The following EPSTI1 variants were observed in gnomAD, a reference collection of about 807,000 sequenced individuals.
The protein encoded by EPSTI1 is epithelial-stromal interaction protein 1.
In EPSTI1, 66 loss-of-function variants were observed where a neutral mutation model predicts 49.9. The observed-to-expected ratio is 1.32, with a 90% CI of 1.08 to 1.62. The LOEUF is 1.62. EPSTI1 is among the 40% of genes most tolerant of loss of function. The pLI is 0.00. For synonymous variants in EPSTI1, 137 were observed against 130.7 expected (o/e 1.05, Z -0.33); for missense variants, 394 against 365.5 (o/e 1.08, Z -0.64).
intron 6 of EPSTI1, among the ~76,000 whole-genome samples, chr13:42,948,012 G>A (rs1281818510): frequency 6.6e-6 from 1 of 152,238 alleles, no homozygotes; most frequent in African/African-American, 2.4e-5. Flanking sequence ...CAGAGGTGGC[G>A]GAGTTGGGTC....
At chr13:42,960,092 G>GTGTT in intron 5 of EPSTI1, among the ~76,000 whole-genome samples, 1 of 151,942 alleles carries the variant, frequency 6.6e-6, no homozygotes, top group Admixed American at 6.5e-5. Flanking sequence ...ATTGTGTTGT[G>GTGTT]GGGGGAGGGG....
chr13:42,992,094 G>T lies in EPSTI1; in HGVS notation c.72C>A (p.Pro24=), dbSNP rs1275531677. Residue 24 remains proline, a synonymous_variant, in exon 1 of 11, where the codon CCC becomes CCA. Coordinates refer to ENST00000313624, the MANE Select transcript of EPSTI1 (RefSeq NM_033255.5). ...ASPASRPTRD[P]QDPSGRQGEL... is the part of the protein sequence containing the mutation. Reference sequence around the variant, plus strand: ...CCCCTTGCCGCCCAGAAGGGTCCTGGGGATCCCGGGTCGGGCGGGAGGCAG... The same window carrying T: ...CCCCTTGCCGCCCAGAAGGGTCCTGTGGATCCCGGGTCGGGCGGGAGGCAG... The T allele has an allele frequency of 6.2e-7, 1 of 1,612,534 alleles. No homozygotes were observed. Among genetic ancestry groups the T allele is most frequent in the Admixed American group, 1.7e-5 (1 of 59,876 alleles).
intron 6 of EPSTI1, among the ~76,000 whole-genome samples, chr13:42,939,004 T>C (rs891179246): frequency 1.3e-5 from 2 of 151,120 alleles, no homozygotes; most frequent in African/African-American, 4.9e-5. Flanking sequence ...AGTTTCTACA[T>C]CAGCACTTTC....
intron 1 of EPSTI1, among the ~76,000 whole-genome samples, chr13:42,979,721 T>C (rs1414396553): frequency 6.6e-6 from 1 of 152,220 alleles, no homozygotes; most frequent in Non-Finnish European, 1.5e-5. Flanking sequence ...GCTTTTTCTC[T>C]TTTAACCATA....
intron 9 of EPSTI1, among the ~76,000 whole-genome samples, chr13:42,895,665 T>C (rs2037169876): frequency 6.6e-6 from 1 of 152,232 alleles, no homozygotes; most frequent in Admixed American, 6.5e-5. Context: ...AATTAATCAC[T>C]ATAAATATCT....
intron 2 of EPSTI1, 158 bp downstream of exon 2, chr13:42,970,454 A>G (rs1247193349): frequency 3.8e-6 from 2 of 529,042 alleles, no homozygotes; most frequent in Admixed American, 4.0e-5. Context: ...TAATAGTAGA[A>G]TATTTTTAAA....
chr13:42,964,379 G>C (rs982011298), intron 3 of EPSTI1, among the ~76,000 whole-genome samples: 3 of 151,838 alleles, frequency 2.0e-5, no homozygotes, highest in African/African-American at 7.3e-5. Flanking sequence ...CTTTTACTAA[G>C]GTTTTTCAAT....
rs71970864 is a variant in EPSTI1, at chr13:42,968,921, T to TACACACACACACAC, written c.331+159_331+172dup. The stretch of plus-strand genomic sequence containing the variant: ...GCAGAAAATCAGAAAAAAAAAAAAA[T>TACACACACACACAC]ACACACACACACACACACACACACA... On this transcript the variant is annotated intron_variant, in intron 3 of 10. Transcript: ENST00000313624. Among the ~76,000 whole-genome samples, 358 of 117,620 alleles carry TACACACACACACAC rather than the reference T, an allele frequency of 3.0e-3. 2 individuals are homozygous for TACACACACACACAC. Among genetic ancestry groups the TACACACACACACAC allele is most frequent in the African/African-American group, 0.011 (319 of 28,592 alleles). The allele number at this position is 117,620 out of a possible 152,430, so 77.2% of individuals were successfully genotyped here. A position where few individuals can be genotyped will look rare whatever the true frequency, so the allele number is the denominator to read the frequency against.
chr13:42,895,193 T>C, intron 9 of EPSTI1, 85 bp from the exon 10 acceptor site: 1 of 1,027,168 alleles, frequency 9.7e-7, no homozygotes. Context: ...TTGTATGAAC[T>C]GACCATGGGG....
chr13:42,906,777 C>A (rs1200791899), intron 8 of EPSTI1, among the ~76,000 whole-genome samples: 1 of 152,180 alleles, frequency 6.6e-6, no homozygotes, highest in Non-Finnish European at 1.5e-5. Context: ...GAAATAAATA[C>A]TAATGGGTGA....
At chr13:42,983,668 A>G (rs747297301) in intron 1 of EPSTI1, among the ~76,000 whole-genome samples, 1 of 151,688 alleles carries the variant, frequency 6.6e-6, no homozygotes, top group Non-Finnish European at 1.5e-5. Context: ...AAGATCCAAA[A>G]TTTGGTAGAT....
intron 5 of EPSTI1, 73 bp from the exon 6 acceptor site, chr13:42,954,094 A>G: frequency 7.4e-7 from 1 of 1,342,312 alleles, no homozygotes; most frequent in Non-Finnish European, 1.0e-6. Flanking sequence ...AAGTTACCCA[A>G]GGTCCAAAAT....
At chr13:42,964,464 T>C (rs1291575556) in intron 3 of EPSTI1, among the ~76,000 whole-genome samples, 2 of 152,302 alleles carry the variant, frequency 1.3e-5, no homozygotes, top group African/African-American at 4.8e-5. Flanking sequence ...AAATAGTGCC[T>C]GTCTTGGAAA....
rs111544982 is a variant in EPSTI1 at position 42,909,096 on chromosome 13, A to AAATT, written c.741+8444_741+8445insAATT. 3.1e-3 allele frequency among the ~76,000 whole-genome samples: 465 copies of AAATT among 150,254 alleles called. 7 individuals carry two copies. The highest frequency in any genetic ancestry group is 0.011 in the African/African-American group (456 of 40,836). On this transcript the variant is annotated intron_variant, in intron 8 of 10. Transcript: ENST00000313624. ...CAACAAGAGCGAAACTCCATCTCAA[A>AAATT]AATAATAACAATTTAAAAAATAGGC... is the stretch of plus-strand genomic sequence containing the variant.
chr13:42,938,683 G>A (rs1374332095), intron 6 of EPSTI1, among the ~76,000 whole-genome samples: 18 of 151,972 alleles, frequency 1.2e-4, no homozygotes, highest in African/African-American at 3.1e-4. Flanking sequence ...GGAGGCTGAG[G>A]TGGGCGGATC....
chr13:42,941,245 T>C (rs1046423252), intron 6 of EPSTI1, among the ~76,000 whole-genome samples: 1 of 152,226 alleles, frequency 6.6e-6, no homozygotes, highest in Non-Finnish European at 1.5e-5. Context: ...CTTTCATTCA[T>C]AGTTGAAGTC....
In EPSTI1 at chr13:42,969,301, G is replaced by A. The variant is rs145272565; in HGVS notation, c.248-124C>T. 4,101 of 925,406 alleles carry A rather than the reference G, an allele frequency of 4.4e-3. 121 individuals are homozygous for A. The African/African-American group carries it at 0.061, about 14-fold the overall frequency. The allele number at this position is 925,406 out of a possible 1,614,324, so 57.3% of individuals were successfully genotyped here. A position where few individuals can be genotyped will look rare whatever the true frequency, so the allele number is the denominator to read the frequency against. ...CTATATGTGAGCATGAGTGAACAAG[G>A]CTTCCAGGTTAGAAACACAATATTC... On this transcript the variant is annotated intron_variant, in intron 2 of 10. Coordinates refer to ENST00000313624, the MANE Select transcript of EPSTI1 (RefSeq NM_033255.5).
At chr13:42,988,892 C>A (rs1351324588) in intron 1 of EPSTI1, among the ~76,000 whole-genome samples, 1 of 152,030 alleles carries the variant, frequency 6.6e-6, no homozygotes, top group Non-Finnish European at 1.5e-5. Flanking sequence ...CAGGGTCTCA[C>A]TCTGTTGCCC....
At chr13:42,971,518 T>C (rs568774608) in intron 1 of EPSTI1, among the ~76,000 whole-genome samples, 9 of 152,190 alleles carry the variant, frequency 5.9e-5, no homozygotes, top group Non-Finnish European at 1.0e-4. Flanking sequence ...AGCAATAATA[T>C]AGCACAGCAA....
Sources: allele counts gnomAD v4.1 joint callset (sites outside exome capture counted in the v4.1 genomes callset), GRCh38; gene constraint gnomAD v4.1.1; transcripts MANE v1.5; gene names NCBI Gene and HGNC (gene_info 2026-07-23, HGNC 2026-07-21).